ALK: variants seen among roughly 807,000 people sequenced by gnomAD.
The protein encoded by ALK is ALK tyrosine kinase receptor.
In ALK, 74 loss-of-function variants were observed where a neutral mutation model predicts 163.1. The observed-to-expected ratio is 0.45, with a 90% CI of 0.38 to 0.55. The LOEUF (loss-of-function observed/expected upper bound fraction) is 0.55. Among genes scored for constraint, ALK ranks in the 20% least tolerant of loss-of-function variants. ALK has a pLI of 0.00. For missense variants in ALK, 2,063 were observed against 2,105.3 expected (o/e 0.98, Z 0.39); for synonymous variants, 960 against 843.2 (o/e 1.14, Z -2.40).
chr2:29,694,244 G>A (rs1246980327), intron 3 of ALK, among the ~76,000 whole-genome samples: 1 of 152,124 alleles, frequency 6.6e-6, no homozygotes, highest in East Asian at 1.9e-4. Context: ...ATAAAGAAGG[G>A]GACATTCACA....
intron 4 of ALK, among the ~76,000 whole-genome samples, chr2:29,531,111 T>C (rs1673107683): frequency 6.6e-6 from 1 of 152,190 alleles, no homozygotes; most frequent in South Asian, 2.1e-4. Context: ...AGGTATTCTC[T>C]TAGAAGGAAG....
At chr2:29,451,511 A>G (rs1227001877) in intron 4 of ALK, among the ~76,000 whole-genome samples, 2 of 151,582 alleles carry the variant, frequency 1.3e-5, no homozygotes, top group Admixed American at 6.6e-5. Flanking sequence ...ACTACTTGCT[A>G]TCCTCATCTT....
chr2:29,918,004 T>C (rs908012102), intron 1 of ALK, among the ~76,000 whole-genome samples: 5 of 152,242 alleles, frequency 3.3e-5, no homozygotes, highest in African/African-American at 1.2e-4. Flanking sequence ...CTACAGCCAA[T>C]AGCAGAGAAG....
chr2:29,678,197 C>T (rs569413302), intron 3 of ALK, among the ~76,000 whole-genome samples: 2 of 151,994 alleles, frequency 1.3e-5, no homozygotes, highest in Admixed American at 6.6e-5. Context: ...CTCTCTTTTA[C>T]TTGATTAATC....
chr2:29,200,788 TACATGTATAC>T (rs1669152953), intron 26 of ALK, among the ~76,000 whole-genome samples: 2 of 134,234 alleles, frequency 1.5e-5, no homozygotes, highest in Non-Finnish European at 3.2e-5. Flanking sequence ...TATATGTATA[TACATGTATAC>T]ATATATATGT....
intron 3 of ALK, among the ~76,000 whole-genome samples, chr2:29,578,873 C>T (rs1431837279): frequency 6.6e-6 from 1 of 152,232 alleles, no homozygotes; most frequent in African/African-American, 2.4e-5. Context: ...TCCAGCTCTT[C>T]TCCCCACCCC....
rs992821091 is a variant in ALK, at chr2:29,222,396, C to T, written c.3463G>A (p.Val1155Met). 1 of 1,614,048 alleles carries T rather than the reference C, an allele frequency of 6.2e-7. No homozygotes were observed. The highest frequency in any genetic ancestry group is 8.5e-7 in the Non-Finnish European group (1 of 1,180,012). Residue 1155 changes from valine to methionine, a missense_variant, in exon 22 of 29, where the codon GTG (valine) becomes ATG (methionine). Coordinates refer to ENST00000389048, the MANE Select transcript of ALK (RefSeq NM_004304.5). ...LQVAVKTLPE[V>M]CSEQDELDFL... ...TCCAGTTCGTCCTGTTCAGAGCACA[C>T]TTCAGGCAGCGTCTGGGCAGAGAAG...
intron 1 of ALK, among the ~76,000 whole-genome samples, chr2:29,881,022 T>C (rs1227523853): frequency 6.6e-6 from 1 of 152,204 alleles, no homozygotes; most frequent in Non-Finnish European, 1.5e-5. Flanking sequence ...CTCACTGTAA[T>C]ATGCATTTCT....
At chr2:29,396,834 T>C (rs891885587) in intron 4 of ALK, among the ~76,000 whole-genome samples, 6 of 126,852 alleles carry the variant, frequency 4.7e-5, no homozygotes, top group South Asian at 2.7e-4. Context: ...TTTGTTACTA[T>C]GGTTTTTTTT....
At chr2:29,912,418 T>C (rs1157623204) in intron 1 of ALK, among the ~76,000 whole-genome samples, 1 of 151,980 alleles carries the variant, frequency 6.6e-6, no homozygotes, top group Admixed American at 6.5e-5. Context: ...AGGAACAAAA[T>C]AGTTAAAGTG....
intron 4 of ALK, among the ~76,000 whole-genome samples, chr2:29,478,213 A>C (rs1399517505): frequency 6.6e-6 from 1 of 152,246 alleles, no homozygotes; most frequent in African/African-American, 2.4e-5. Context: ...CATACATATG[A>C]ATATGGCCCA....
At chr2:29,379,148 A>G (rs757467361) in intron 5 of ALK, among the ~76,000 whole-genome samples, 19 of 152,120 alleles carry the variant, frequency 1.2e-4, no homozygotes, top group Non-Finnish European at 2.6e-4. Context: ...TGTCTGCTCA[A>G]GAAAGGTTTT....
Position 29,248,632 on chromosome 2 carries a change from G to C in ALK, c.2204+2473C>G, listed in dbSNP as rs570858477. The stretch of plus-strand genomic sequence containing the variant: ...TCGCCAGACAGTGCTGGGGCCCGGA[G>C]CTGGCCTCAGTCTCAATATTTCAAA... On this transcript the variant is annotated intron_variant, in intron 12 of 28. Coordinates refer to ENST00000389048, the MANE Select transcript of ALK (RefSeq NM_004304.5). Among the ~76,000 whole-genome samples the C allele has an allele frequency of 1.2e-4, 18 of 152,288 alleles. No homozygotes were observed. In the South Asian group the frequency reaches 3.7e-3, roughly 32 times the overall value.
intron 5 of ALK, among the ~76,000 whole-genome samples, chr2:29,354,767 C>CTTTTT (rs763001304): frequency 7.2e-6 from 1 of 138,488 alleles, no homozygotes; most frequent in African/African-American, 2.6e-5. Context: ...TTTTCTTTTT[C>CTTTTT]TTTTTTTTTT....
At chr2:29,509,928 T>A (rs983018737) in intron 4 of ALK, among the ~76,000 whole-genome samples, 1 of 149,810 alleles carries the variant, frequency 6.7e-6, no homozygotes, top group Non-Finnish European at 1.5e-5. Context: ...TGGTTCAGGT[T>A]TGGGACTTGG....
chr2:29,709,407 G>A (rs1241459015), intron 2 of ALK, among the ~76,000 whole-genome samples: 1 of 152,136 alleles, frequency 6.6e-6, no homozygotes, highest in Admixed American at 6.5e-5. Flanking sequence ...ACCTCAGTTT[G>A]CTCCTCATTT....
chr2:29,502,947 C>G (rs1386783873), intron 4 of ALK, among the ~76,000 whole-genome samples: 1 of 152,078 alleles, frequency 6.6e-6, no homozygotes, highest in Non-Finnish European at 1.5e-5. Context: ...AAGATTAATG[C>G]AAAGATGCTG....
At chr2:29,675,456 C>G (rs924990739) in intron 3 of ALK, among the ~76,000 whole-genome samples, 1 of 151,852 alleles carries the variant, frequency 6.6e-6, no homozygotes, top group Non-Finnish European at 1.5e-5. Flanking sequence ...AGGCAGCCTG[C>G]GTCTTCCTTT....
chr2:29,390,229 G>T (rs1265011240), intron 4 of ALK, among the ~76,000 whole-genome samples: 1 of 152,156 alleles, frequency 6.6e-6, no homozygotes, highest in African/African-American at 2.4e-5. Flanking sequence ...GCTACAAGAT[G>T]TGGCTATCCT....
Sources: allele counts gnomAD v4.1 joint callset (sites outside exome capture counted in the v4.1 genomes callset), GRCh38; gene constraint gnomAD v4.1.1; transcripts MANE v1.5; gene names NCBI Gene and HGNC (gene_info 2026-07-23, HGNC 2026-07-21).